Variants in SORT1 observed in about 807,000 individuals in gnomAD.
The protein encoded by SORT1 is sortilin 1.
A neutral mutation model predicts 101.7 loss-of-function variants in SORT1; 39 were observed. That is an observed-to-expected ratio of 0.38 (90% CI 0.30 to 0.50). The LOEUF (loss-of-function observed/expected upper bound fraction) is 0.50, where lower values mean the gene tolerates loss of function less well. SORT1 is among the 20% of genes least tolerant of loss of function. The pLI is 0.90. For synonymous variants in SORT1, 396 were observed against 393.7 expected (o/e 1.01, Z -0.07); for missense variants, 878 against 1,040.4 (o/e 0.84, Z 2.15).
At chr1:109,326,028 A>T in intron 13 of SORT1, among the ~76,000 whole-genome samples, 1 of 151,384 alleles carries the variant, frequency 6.6e-6, no homozygotes, top group South Asian at 2.1e-4. Context: ...AATAACAATC[A>T]AATTATTTTA....
chr1:109,351,070 A>G, intron 5 of SORT1, 68 bp from the exon 6 acceptor site: 1 of 1,007,552 alleles, frequency 9.9e-7, no homozygotes, highest in African/African-American at 1.6e-5. Flanking sequence ...ATGACCTTTA[A>G]TATTTCATAT....
At chr1:109,337,617 G>A (rs371238961) in intron 10 of SORT1, among the ~76,000 whole-genome samples, 4 of 151,888 alleles carry the variant, frequency 2.6e-5, no homozygotes, top group Non-Finnish European at 5.9e-5. Flanking sequence ...CATCTACTGA[G>A]TGCCTACTAT....
Position 109,310,890 on chromosome 1 carries a change from G to T in SORT1, c.*3153C>A, listed in dbSNP as rs1658688901. ...TACAGACTCGATGCAGGAGCTGGAG[G>T]TGGCCAGCACATTACCAGCCTGTCA... On this transcript the variant is annotated 3_prime_UTR_variant, in exon 20 of 20. Transcript: ENST00000256637. 2 of 152,194 alleles carry T rather than the reference G, an allele frequency of 1.3e-5. No homozygotes were observed. The highest frequency in any genetic ancestry group is 1.3e-4 in the Admixed American group (2 of 15,276). The allele number at this position is 152,194 out of a possible 1,614,324, so 9.4% of individuals were successfully genotyped here. A position where few individuals can be genotyped will look rare whatever the true frequency, so the allele number is the denominator to read the frequency against.
At chr1:109,362,357 T>C (rs1650779661) in intron 3 of SORT1, among the ~76,000 whole-genome samples, 1 of 152,148 alleles carries the variant, frequency 6.6e-6, no homozygotes. Flanking sequence ...TCACTAATAA[T>C]GACAACCAAC....
chr1:109,369,329 C>G (rs1651319600), intron 2 of SORT1, among the ~76,000 whole-genome samples: 1 of 151,906 alleles, frequency 6.6e-6, no homozygotes. Flanking sequence ...TCCCCACCCC[C>G]CCGCAAAAAA....
intron 1 of SORT1, among the ~76,000 whole-genome samples, chr1:109,387,761 G>A (rs557520763): frequency 6.6e-5 from 10 of 152,216 alleles, no homozygotes; most frequent in African/African-American, 2.4e-4. Context: ...GACCAGCCTG[G>A]CCAAGATGGT....
At chr1:109,388,079 T>C (rs528168289) in intron 1 of SORT1, among the ~76,000 whole-genome samples, 65 of 152,278 alleles carry the variant, frequency 4.3e-4, no homozygotes, top group African/African-American at 1.4e-3. Context: ...CTTTTAGATA[T>C]GGGACCTCAC....
chr1:109,378,699 GAT>G (rs58847953), intron 1 of SORT1, among the ~76,000 whole-genome samples: 4 of 35,582 alleles, frequency 1.1e-4, no homozygotes, highest in East Asian at 1.1e-3. Context: ...TAGAGTGAAT[GAT>G]ATATATATAT....
chr1:109,385,714 T>C (rs1652530970), intron 1 of SORT1, among the ~76,000 whole-genome samples: 1 of 152,228 alleles, frequency 6.6e-6, no homozygotes, highest in African/African-American at 2.4e-5. Flanking sequence ...CCAGGCCTTA[T>C]GAACATGTTG....
chr1:109,333,868 C>T (rs553527038), intron 11 of SORT1, among the ~76,000 whole-genome samples: 9 of 152,264 alleles, frequency 5.9e-5, no homozygotes, highest in Admixed American at 3.9e-4. Context: ...ACAGCAGGGC[C>T]GAGCATGGTG....
intron 1 of SORT1, among the ~76,000 whole-genome samples, chr1:109,391,646 T>G (rs903940610): frequency 6.6e-6 from 1 of 152,158 alleles, no homozygotes; most frequent in African/African-American, 2.4e-5. Flanking sequence ...ACCTAAAAAT[T>G]TTCATAGGTA....
chr1:109,335,093 C>G (rs1648722137), intron 11 of SORT1, among the ~76,000 whole-genome samples: 1 of 151,972 alleles, frequency 6.6e-6, no homozygotes, highest in Non-Finnish European at 1.5e-5. Context: ...CAACTTCCTC[C>G]AGGAATAGTG....
At chr1:109,382,923 A>G (rs1652332933) in intron 1 of SORT1, among the ~76,000 whole-genome samples, 1 of 152,126 alleles carries the variant, frequency 6.6e-6, no homozygotes. Flanking sequence ...GAATTAGCAC[A>G]ATGTTCATTT....
intron 10 of SORT1, among the ~76,000 whole-genome samples, chr1:109,339,294 T>G (rs1235983925): frequency 1.3e-5 from 2 of 152,210 alleles, no homozygotes; most frequent in East Asian, 3.9e-4. Context: ...ACTGTATGGT[T>G]TTGAGTGCAA....
intron 8 of SORT1, among the ~76,000 whole-genome samples, chr1:109,342,456 T>A (rs1442466317): frequency 1.3e-5 from 2 of 152,218 alleles, no homozygotes; most frequent in Non-Finnish European, 2.9e-5. Flanking sequence ...TCCACCTCCT[T>A]CAGTAGAGCT....
At chr1:109,334,811 C>T (rs1328455863) in intron 11 of SORT1, among the ~76,000 whole-genome samples, 1 of 152,002 alleles carries the variant, frequency 6.6e-6, no homozygotes, top group Non-Finnish European at 1.5e-5. Flanking sequence ...TCAATTATGC[C>T]TCCATAAAGC....
intron 1 of SORT1, among the ~76,000 whole-genome samples, chr1:109,373,925 AAC>A (rs925078069): frequency 4.6e-5 from 7 of 151,902 alleles, no homozygotes; most frequent in African/African-American, 1.2e-4. Flanking sequence ...TTTCCACAAA[AAC>A]AATTTAAAAA....
chr1:109,379,634 G>T (rs1236921640), intron 1 of SORT1, among the ~76,000 whole-genome samples: 4 of 152,220 alleles, frequency 2.6e-5, no homozygotes, highest in Non-Finnish European at 5.9e-5. Flanking sequence ...AGGAAGCACA[G>T]AAGCCAAGAA....
At chr1:109,336,600 G>A (rs1294601375) in intron 10 of SORT1, among the ~76,000 whole-genome samples, 1 of 152,156 alleles carries the variant, frequency 6.6e-6, no homozygotes, top group African/African-American at 2.4e-5. Context: ...CTGAGGTCAG[G>A]AGTTTGAGAC....
Sources: allele counts gnomAD v4.1 joint callset (sites outside exome capture counted in the v4.1 genomes callset), GRCh38; gene constraint gnomAD v4.1.1; transcripts MANE v1.5; gene names NCBI Gene and HGNC (gene_info 2026-07-23, HGNC 2026-07-21).